The following TENM3 variants were observed in gnomAD, a reference collection of about 807,000 sequenced individuals.
The protein encoded by TENM3 is teneurin-3.
In TENM3, 63 loss-of-function variants were observed where a neutral mutation model predicts 255.1. The ratio of observed to expected loss-of-function variants is 0.25; its 90% CI spans 0.20 to 0.30. The LOEUF (loss-of-function observed/expected upper bound fraction) is 0.30. TENM3 is among the 10% of genes least tolerant of loss of function. The pLI is 1.00. For synonymous variants in TENM3, 1,306 were observed against 1,322.3 expected, an observed-to-expected ratio of 0.99 and a Z score of 0.27; for missense variants, 2,929 against 3,461.1, an observed-to-expected ratio of 0.85 and a Z score of 3.86.
chr4:182,626,120 C>T (rs913376856), intron 4 of TENM3, among the ~76,000 whole-genome samples: 5 of 152,186 alleles, frequency 3.3e-5, no homozygotes, highest in Admixed American at 3.3e-4. Context: ...CACGATAGAA[C>T]AGCAGAGTTC....
At chr4:181,810,350 G>A in the TENM3 span, among the ~76,000 whole-genome samples, 2 of 152,132 alleles carry the variant, frequency 1.3e-5, no homozygotes, top group African/African-American at 4.8e-5. Flanking sequence ...CAGGTTTCTG[G>A]AACCAGCAAA....
chr4:182,235,615 A>G (rs1413888967), intron 1 of TENM3, among the ~76,000 whole-genome samples: 1 of 151,670 alleles, frequency 6.6e-6, no homozygotes, highest in African/African-American at 2.4e-5. Flanking sequence ...TACTACACAC[A>G]TACACACGGG....
chr4:181,840,941 G>T, the TENM3 span, among the ~76,000 whole-genome samples: 26 of 152,102 alleles, frequency 1.7e-4, no homozygotes, highest in Admixed American at 1.7e-3. Flanking sequence ...TTTGAAAGAG[G>T]CTTATTCCTT....
intron 3 of TENM3, among the ~76,000 whole-genome samples, chr4:182,441,788 A>G (rs553004849): frequency 6.6e-6 from 1 of 152,240 alleles, no homozygotes; most frequent in Non-Finnish European, 1.5e-5. Flanking sequence ...TGACTCCCAA[A>G]GTGCTGGGAT....
chr4:181,763,112 C>A, the TENM3 span, among the ~76,000 whole-genome samples: 1 of 151,948 alleles, frequency 6.6e-6, no homozygotes, highest in Non-Finnish European at 1.5e-5. Context: ...ATATTTGAAA[C>A]AAAAATAGGA....
chr4:181,715,741 T>A, the TENM3 span, among the ~76,000 whole-genome samples: 2 of 152,236 alleles, frequency 1.3e-5, no homozygotes, highest in Non-Finnish European at 2.9e-5. Context: ...AACAAAAATG[T>A]ACCCACAAAT....
chr4:181,731,158 T>C, the TENM3 span, among the ~76,000 whole-genome samples: 1 of 152,168 alleles, frequency 6.6e-6, no homozygotes, highest in Admixed American at 6.5e-5. Flanking sequence ...GAATATCATA[T>C]GAGATACATT....
the TENM3 span, among the ~76,000 whole-genome samples, chr4:182,108,989 TA>T: frequency 1.3e-5 from 2 of 151,930 alleles, no homozygotes; most frequent in African/African-American, 4.8e-5. Context: ...CCATGCCAAT[TA>T]TACCAGCTTT....
At chr4:181,501,202 G>A in the TENM3 span, among the ~76,000 whole-genome samples, 1 of 152,098 alleles carries the variant, frequency 6.6e-6, no homozygotes, top group Non-Finnish European at 1.5e-5. Context: ...GGCGGGTGGT[G>A]GAGAAGGCAG....
the TENM3 span, among the ~76,000 whole-genome samples, chr4:181,520,579 A>G: frequency 6.6e-6 from 1 of 152,232 alleles, no homozygotes; most frequent in Non-Finnish European, 1.5e-5. Flanking sequence ...TTGTAAGGAA[A>G]TAACCACGAA....
At chr4:182,596,455 C>T (rs1217682940) in intron 3 of TENM3, among the ~76,000 whole-genome samples, 1 of 152,106 alleles carries the variant, frequency 6.6e-6, no homozygotes, top group Non-Finnish European at 1.5e-5. Context: ...GAAAAAGGGA[C>T]AGATACAATA....
chr4:182,200,620 C>G (rs1754128470), intron 1 of TENM3, among the ~76,000 whole-genome samples: 1 of 152,004 alleles, frequency 6.6e-6, no homozygotes, highest in Non-Finnish European at 1.5e-5. Context: ...TGTGCTTAGC[C>G]TATAAGAAAG....
At chr4:182,788,809 G>A (rs1765880096) in intron 24 of TENM3, among the ~76,000 whole-genome samples, 1 of 152,170 alleles carries the variant, frequency 6.6e-6, no homozygotes, top group Non-Finnish European at 1.5e-5. Context: ...TAGAGCTCCT[G>A]AACAAACTTT....
the TENM3 span, among the ~76,000 whole-genome samples, chr4:181,935,981 A>G: frequency 6.6e-6 from 1 of 152,168 alleles, no homozygotes. Context: ...CCTTGTTCAT[A>G]TCCAAGCTAT....
chr4:182,014,652 C>T, the TENM3 span, among the ~76,000 whole-genome samples: 1 of 151,874 alleles, frequency 6.6e-6, no homozygotes, highest in African/African-American at 2.4e-5. Context: ...AAGGCACAGG[C>T]GAGCTGATCC....
At chr4:181,535,987 A>G in the TENM3 span, among the ~76,000 whole-genome samples, 10 of 152,142 alleles carry the variant, frequency 6.6e-5, no homozygotes, top group African/African-American at 2.4e-4. Flanking sequence ...TCCCTAATAA[A>G]AAAAATTCCA....
the TENM3 span, among the ~76,000 whole-genome samples, chr4:181,646,075 G>T: frequency 6.6e-6 from 1 of 152,122 alleles, no homozygotes; most frequent in Non-Finnish European, 1.5e-5. Context: ...TCCAACATGC[G>T]CAAAGCCCTG....
chr4:182,746,928 A>G (rs1313652656), intron 19 of TENM3, among the ~76,000 whole-genome samples: 1 of 152,220 alleles, frequency 6.6e-6, no homozygotes, highest in Non-Finnish European at 1.5e-5. Context: ...TTGACCTAGC[A>G]AAGTCAACAT....
chr4:182,228,195 T>A (rs966641684), intron 1 of TENM3, among the ~76,000 whole-genome samples: 1 of 151,974 alleles, frequency 6.6e-6, no homozygotes, highest in Non-Finnish European at 1.5e-5. Flanking sequence ...TGTTGTATTG[T>A]GGTGGGGATT....
Sources: allele counts gnomAD v4.1 joint callset (sites outside exome capture counted in the v4.1 genomes callset), GRCh38; gene constraint gnomAD v4.1.1; transcripts MANE v1.5; gene names NCBI Gene and HGNC (gene_info 2026-07-23, HGNC 2026-07-21).